EYS: variants seen among roughly 807,000 people sequenced by gnomAD.
The protein encoded by EYS is EGF-like photoreceptor maintenance factor.
A neutral mutation model predicts 282.1 loss-of-function variants in EYS; 250 were observed. The ratio of observed to expected loss-of-function variants is 0.89; its 90% CI spans 0.80 to 0.98. EYS has a LOEUF of 0.98. Among genes scored for constraint, EYS ranks in the 50% least tolerant of loss-of-function variants. EYS has a pLI of 0.00. For missense variants in EYS, 4,016 were observed against 3,709.0 expected (o/e 1.08, Z -2.15); for synonymous variants, 1,355 against 1,282.9 (o/e 1.06, Z -1.20).
At chr6:64,963,583 G>A (rs1053308863) in intron 14 of EYS, among the ~76,000 whole-genome samples, 3 of 152,132 alleles carry the variant, frequency 2.0e-5, no homozygotes, top group East Asian at 1.9e-4. Context: ...ATGTGTGCAC[G>A]ATAGCATAAT....
At chr6:64,750,404 C>A (rs1165986198) in intron 22 of EYS, among the ~76,000 whole-genome samples, 5 of 104,056 alleles carry the variant, frequency 4.8e-5, no homozygotes, top group South Asian at 3.8e-4. Flanking sequence ...AATTTTACAG[C>A]AAATAAGAGG....
chr6:63,834,203 G>A (rs537935259), intron 36 of EYS, among the ~76,000 whole-genome samples: 1 of 152,226 alleles, frequency 6.6e-6, no homozygotes, highest in Non-Finnish European at 1.5e-5. Context: ...AGCAAAAATA[G>A]ACAAATGGGA....
chr6:65,662,581 T>A (rs1226680216), intron 1 of EYS, among the ~76,000 whole-genome samples: 1 of 152,214 alleles, frequency 6.6e-6, no homozygotes, highest in Non-Finnish European at 1.5e-5. Flanking sequence ...ATGGAATTTC[T>A]CCTCAATAAA....
intron 30 of EYS, among the ~76,000 whole-genome samples, chr6:64,239,610 T>C (rs1766728067): frequency 6.6e-6 from 1 of 151,930 alleles, no homozygotes; most frequent in East Asian, 1.9e-4. Context: ...GTTTTTTTTT[T>C]TTCTTCTAAA....
chr6:63,915,397 T>C (rs1005852448), intron 35 of EYS, among the ~76,000 whole-genome samples: 2 of 152,208 alleles, frequency 1.3e-5, no homozygotes, highest in Non-Finnish European at 2.9e-5. Flanking sequence ...TTCAAAATAC[T>C]GCTACTCATT....
At chr6:65,444,078 T>C (rs956691419) in intron 5 of EYS, among the ~76,000 whole-genome samples, 3 of 151,976 alleles carry the variant, frequency 2.0e-5, no homozygotes, top group Non-Finnish European at 4.4e-5. Flanking sequence ...GACTGCAGTT[T>C]TATTAGAAGG....
At chr6:65,330,804 A>G in intron 11 of EYS, 1 of 961,402 alleles carries the variant, frequency 1.0e-6, no homozygotes. Flanking sequence ...TCGTCATTTT[A>G]CCTTAAACTT....
rs60420479 is a variant in EYS, at chr6:64,237,251, T to C, written c.6192-6427A>G. ...TTAAATTAAAAGTAGTTTTCTGAAC[T>C]TGCCTAACTAATATCTGTTTCATTC... On this transcript the variant is annotated intron_variant, in intron 30 of 42. Transcript: ENST00000503581. Among the ~76,000 whole-genome samples the C allele has an allele frequency of 7.2e-3, 1,091 of 152,314 alleles. 10 individuals carry two copies. The highest frequency in any genetic ancestry group is 0.024 in the African/African-American group (999 of 41,572).
At chr6:64,353,291 C>CTTTA (rs767882246) in intron 29 of EYS, among the ~76,000 whole-genome samples, 1 of 151,518 alleles carries the variant, frequency 6.6e-6, no homozygotes, top group Non-Finnish European at 1.5e-5. Context: ...TCCAAATGCA[C>CTTTA]TAGGAGTTGA....
chr6:64,591,858 G>T lies in EYS; in HGVS notation c.4009C>A (p.His1337Asn). 6.4e-7 allele frequency: 1 copy of T among 1,551,248 alleles called. No individual in the cohort carries two copies. The highest frequency in any genetic ancestry group is 8.7e-7 in the Non-Finnish European group (1 of 1,146,670). ...ACATCTGCGGAAGAAAGAAGACTGT[G>T]TTTTGCTGAAAGCTCTCTAGTGACA... ...LIVTRELSAK[H>N]SLLSSADVSS... is the part of the protein sequence containing the mutation. Residue 1337 changes from histidine (H) to asparagine (N), a missense_variant, in exon 26 of 43, where the codon CAC becomes AAC. Transcript: ENST00000503581.
intron 34 of EYS, among the ~76,000 whole-genome samples, chr6:63,986,077 A>G (rs1490290085): frequency 6.6e-6 from 1 of 151,888 alleles, no homozygotes; most frequent in African/African-American, 2.4e-5. Flanking sequence ...ACAAATTTAC[A>G]AGAGAAAAAC....
At chr6:64,868,678 T>C (rs1171265327) in intron 19 of EYS, among the ~76,000 whole-genome samples, 1 of 151,568 alleles carries the variant, frequency 6.6e-6, no homozygotes, top group Non-Finnish European at 1.5e-5. Context: ...GGAAGGAGGA[T>C]ATTCAGAAAA....
chr6:65,117,304 G>T (rs1328129267), intron 12 of EYS, among the ~76,000 whole-genome samples: 1 of 152,146 alleles, frequency 6.6e-6, no homozygotes, highest in Non-Finnish European at 1.5e-5. Context: ...ACCTTCTAAA[G>T]CTATTTATGT....
intron 22 of EYS, among the ~76,000 whole-genome samples, chr6:64,679,853 T>G (rs1769834543): frequency 6.6e-6 from 1 of 152,210 alleles, no homozygotes; most frequent in Admixed American, 6.5e-5. Context: ...TTGTAACCTT[T>G]TTATTCTACC....
chr6:65,592,014 A>C (rs354362), intron 2 of EYS, among the ~76,000 whole-genome samples: 115,599 of 151,694 alleles, frequency 0.76, 45,030 homozygotes, highest in African/African-American at 0.92. Context: ...AACTGCAGTA[A>C]CTTATAATCA....
chr6:64,752,671 T>G (rs904409801), intron 22 of EYS, among the ~76,000 whole-genome samples: 9 of 152,048 alleles, frequency 5.9e-5, no homozygotes, highest in African/African-American at 2.2e-4. Flanking sequence ...GGAAGATACA[T>G]TGCAAGATGG....
intron 36 of EYS, among the ~76,000 whole-genome samples, chr6:63,810,270 A>C (rs558939236): frequency 4.2e-4 from 64 of 151,352 alleles, no homozygotes; most frequent in Admixed American, 1.3e-3. Context: ...CAAAAAAAAA[A>C]AAAAAACAAA....
intron 29 of EYS, among the ~76,000 whole-genome samples, chr6:64,354,453 C>G (rs982413058): frequency 2.0e-5 from 3 of 151,480 alleles, no homozygotes; most frequent in Non-Finnish European, 4.4e-5. Context: ...AAAGTGAAGA[C>G]AGAAGCTTAA....
At chr6:64,752,451 A>T (rs1158569939) in intron 22 of EYS, among the ~76,000 whole-genome samples, 1 of 152,162 alleles carries the variant, frequency 6.6e-6, no homozygotes, top group Non-Finnish European at 1.5e-5. Flanking sequence ...AACCAGTCAG[A>T]CAAAAATAAA....
Sources: gnomAD v4.1 joint callset for allele counts (sites outside exome capture counted in the v4.1 genomes callset) on GRCh38, gnomAD v4.1.1 for gene constraint, MANE v1.5 for transcripts, NCBI Gene and HGNC (gene_info 2026-07-23, HGNC 2026-07-21) for gene names.